Variants in PKD1L3 observed in about 807,000 individuals in gnomAD.
The protein encoded by PKD1L3 is polycystin 1 like 3, transient receptor potential channel interacting.
A neutral mutation model predicts 184.1 loss-of-function variants in PKD1L3; 239 were observed. The ratio of observed to expected loss-of-function variants is 1.30; its 90% CI spans 1.17 to 1.45. PKD1L3 has a LOEUF of 1.45. PKD1L3 is among the 40% of genes most tolerant of loss of function. PKD1L3 has a pLI of 0.00. For missense variants in PKD1L3, 2,660 were observed against 2,067.2 expected (o/e 1.29, Z -5.56); for synonymous variants, 996 against 778.8 (o/e 1.28, Z -4.64).
rs531720203 is a variant in PKD1L3 at position 71,957,113 on chromosome 16, G to T, written c.2613-2812C>A. 2.0e-5 allele frequency among the ~76,000 whole-genome samples: 3 copies of T among 152,198 alleles called. No individual in the cohort carries two copies. In the South Asian group the frequency reaches 6.2e-4, roughly 32 times the overall value. On this transcript the variant is annotated intron_variant, in intron 16 of 29. Transcript: ENST00000620267. Reference sequence around the variant, plus strand: ...TTATAATCCCCAGGGGAGGCATAAAGAAAATAATTTAAAAATATATAGTAA... The same window carrying T: ...TTATAATCCCCAGGGGAGGCATAAATAAAATAATTTAAAAATATATAGTAA...
At chr16:71,955,322 G>C (rs1253951549) in intron 16 of PKD1L3, among the ~76,000 whole-genome samples, 1 of 151,752 alleles carries the variant, frequency 6.6e-6, no homozygotes, top group Non-Finnish European at 1.5e-5. Context: ...GAGAGGGAAA[G>C]TAATAATCCA....
intron 24 of PKD1L3, among the ~76,000 whole-genome samples, chr16:71,942,312 G>A (rs1429876099): frequency 4.6e-5 from 7 of 152,080 alleles, no homozygotes; most frequent in South Asian, 2.1e-4. Flanking sequence ...CAGCCTGGGC[G>A]ACAGAGCAAG....
chr16:71,948,703 T>C (rs2038712061), intron 21 of PKD1L3, among the ~76,000 whole-genome samples: 1 of 151,562 alleles, frequency 6.6e-6, no homozygotes, highest in Admixed American at 6.6e-5. Flanking sequence ...TGCAATATTA[T>C]CATTTTATTG....
intron 2 of PKD1L3, among the ~76,000 whole-genome samples, chr16:71,994,616 T>G (rs1285398603): frequency 2.0e-5 from 3 of 152,202 alleles, no homozygotes; most frequent in Non-Finnish European, 4.4e-5. Flanking sequence ...TTCCTGCTCT[T>G]GAGCAAAATT....
chr16:71,990,946 C>A (rs371511742), intron 3 of PKD1L3, among the ~76,000 whole-genome samples: 1 of 152,050 alleles, frequency 6.6e-6, no homozygotes, highest in Non-Finnish European at 1.5e-5. Flanking sequence ...GGTTATTTCC[C>A]CAAATAAAAG....
At chr16:71,934,279 A>C (rs1412245661) in intron 26 of PKD1L3, among the ~76,000 whole-genome samples, 154 bp from the exon 27 acceptor site, 1 of 152,092 alleles carries the variant, frequency 6.6e-6, no homozygotes, top group Non-Finnish European at 1.5e-5. Context: ...GCCTCCTGTG[A>C]GTTGTGGATA....
At chr16:71,979,685 G>T in intron 9 of PKD1L3, 101 bp downstream of exon 9, 1 of 1,352,262 alleles carries the variant, frequency 7.4e-7, no homozygotes, top group Non-Finnish European at 9.8e-7. Context: ...ATCTGATCTG[G>T]TCTGTTCAGT....
chr16:71,936,634 T>C (rs2038190500), intron 25 of PKD1L3, among the ~76,000 whole-genome samples: 1 of 149,556 alleles, frequency 6.7e-6, no homozygotes, highest in Admixed American at 6.7e-5. Context: ...ATTACAGGCA[T>C]ATGCCACCAC....
chr16:71,941,256 C>G (rs955425161), intron 24 of PKD1L3, among the ~76,000 whole-genome samples: 1 of 151,758 alleles, frequency 6.6e-6, no homozygotes, highest in Admixed American at 6.6e-5. Flanking sequence ...AAAAAACCAC[C>G]ATAATATCCT....
chr16:71,970,893 G>C (rs1226769706), intron 12 of PKD1L3, among the ~76,000 whole-genome samples: 2 of 152,202 alleles, frequency 1.3e-5, no homozygotes, highest in Non-Finnish European at 2.9e-5. Context: ...TAAATGCTAA[G>C]TGAATACAAC....
intron 16 of PKD1L3, among the ~76,000 whole-genome samples, chr16:71,955,585 CT>C (rs1324470568): frequency 3.3e-5 from 5 of 152,198 alleles, no homozygotes; most frequent in African/African-American, 9.6e-5. Flanking sequence ...CTCCATCCCC[CT>C]GGCTCAAGTG....
chr16:71,985,631 C>G (rs1301134199), intron 5 of PKD1L3, among the ~76,000 whole-genome samples: 1 of 152,150 alleles, frequency 6.6e-6, no homozygotes, highest in Admixed American at 6.5e-5. Flanking sequence ...GAAAAGGTCT[C>G]ATAAAGTTGC....
intron 3 of PKD1L3, 26 bp from the exon 4 acceptor site, chr16:71,990,355 G>C: frequency 6.6e-7 from 1 of 1,521,756 alleles, no homozygotes; most frequent in Non-Finnish European, 8.9e-7. Context: ...AGCAGACTAA[G>C]TTCAAGTAAA....
intron 3 of PKD1L3, among the ~76,000 whole-genome samples, chr16:71,992,452 A>G (rs2040625966): frequency 6.6e-6 from 1 of 152,242 alleles, no homozygotes; most frequent in Non-Finnish European, 1.5e-5. Flanking sequence ...ATTGCGGGAC[A>G]CAGCTTAAAC....
chr16:71,996,125 T>C (rs1484031717), intron 2 of PKD1L3, among the ~76,000 whole-genome samples: 1 of 152,132 alleles, frequency 6.6e-6, no homozygotes, highest in Non-Finnish European at 1.5e-5. Flanking sequence ...TGCAGAGAGA[T>C]GCCTTTATCC....
chr16:71,951,098 G>A (rs1230238016), intron 19 of PKD1L3, among the ~76,000 whole-genome samples: 1 of 151,670 alleles, frequency 6.6e-6, no homozygotes, highest in Non-Finnish European at 1.5e-5. Flanking sequence ...GGAGTGTAGT[G>A]GCGCGATCTC....
At chr16:71,959,084 C>CAAAAA (rs34063785) in intron 16 of PKD1L3, among the ~76,000 whole-genome samples, 1 of 77,012 alleles carries the variant, frequency 1.3e-5, no homozygotes, top group Non-Finnish European at 2.3e-5. Context: ...ACTCCCGTCT[C>CAAAAA]AAAAAAAAAA....
intron 3 of PKD1L3, 51 bp from the exon 4 acceptor site, chr16:71,990,380 A>T (rs754149373): frequency 7.9e-5 from 114 of 1,438,798 alleles, no homozygotes; most frequent in Non-Finnish European, 1.0e-4. Flanking sequence ...TAAGACAGAA[A>T]TATTCGTTTT....
intron 2 of PKD1L3, among the ~76,000 whole-genome samples, chr16:71,996,450 T>C (rs1382915681): frequency 1.4e-5 from 2 of 146,940 alleles, no homozygotes; most frequent in African/African-American, 5.4e-5. Context: ...TAGTAGAGAC[T>C]GGGGTTTCAC....
Sources: gnomAD v4.1 joint callset for allele counts (sites outside exome capture counted in the v4.1 genomes callset) on GRCh38, gnomAD v4.1.1 for gene constraint, MANE v1.5 for transcripts, NCBI Gene and HGNC (gene_info 2026-07-23, HGNC 2026-07-21) for gene names.